DOCK4: variants seen among roughly 807,000 people sequenced by gnomAD.
DOCK4 encodes dedicator of cytokinesis protein 4.
Under a neutral mutation model 268.1 loss-of-function variants are expected in DOCK4, and 97 were observed. The ratio of observed to expected loss-of-function variants is 0.36; its 90% CI spans 0.31 to 0.43. The LOEUF (loss-of-function observed/expected upper bound fraction) is 0.43, where lower values mean the gene tolerates loss of function less well. Ranked by LOEUF, DOCK4 falls within the 20% of genes least tolerant of loss-of-function variation. The pLI, the probability that DOCK4 is intolerant of heterozygous loss-of-function variation, is 1.00. For synonymous variants in DOCK4, 954 were observed against 887.2 expected (o/e 1.08, Z -1.34); for missense variants, 2,145 against 2,455.7 (o/e 0.87, Z 2.67).
chr7:111,851,476 G>C (rs1393218473), intron 23 of DOCK4, among the ~76,000 whole-genome samples: 1 of 146,330 alleles, frequency 6.8e-6, no homozygotes, highest in South Asian at 2.1e-4. Context: ...ATTTCTGAAA[G>C]AAAACATAGA....
chr7:112,040,393 T>C (rs1236484081), intron 1 of DOCK4, among the ~76,000 whole-genome samples: 4 of 152,202 alleles, frequency 2.6e-5, no homozygotes, highest in Middle Eastern at 3.2e-3. Flanking sequence ...TAGACAGCAT[T>C]AACAAGGATG....
At chr7:112,165,718 GA>G (rs940808363) in intron 1 of DOCK4, among the ~76,000 whole-genome samples, 8 of 151,818 alleles carry the variant, frequency 5.3e-5, no homozygotes, top group African/African-American at 1.9e-4. Flanking sequence ...AATGTAAGGG[GA>G]AAAAAATCAA....
chr7:111,731,252 C>T (rs552620559), intron 52 of DOCK4, among the ~76,000 whole-genome samples: 2 of 152,226 alleles, frequency 1.3e-5, no homozygotes, highest in Non-Finnish European at 2.9e-5. Flanking sequence ...CTCCATTTTG[C>T]GGGGGGAGGC....
chr7:111,728,824 C>T, intron 52 of DOCK4, 104 bp from the exon 53 acceptor site: 1 of 1,145,922 alleles, frequency 8.7e-7, no homozygotes, highest in Non-Finnish European at 1.2e-6. Context: ...CCCCAGCACC[C>T]CCAAAGCCGG....
At chr7:111,820,110 C>T (rs1467327072) in intron 27 of DOCK4, 3 of 152,192 alleles carry the variant, frequency 2.0e-5, no homozygotes, top group African/African-American at 4.8e-5. Context: ...TCAGACTATG[C>T]TGCATTTATG....
intron 1 of DOCK4, among the ~76,000 whole-genome samples, chr7:112,173,918 C>A (rs1258837413): frequency 6.6e-6 from 1 of 152,150 alleles, no homozygotes; most frequent in Non-Finnish European, 1.5e-5. Flanking sequence ...GGACCTGGAC[C>A]AGCAGACCAG....
intron 22 of DOCK4, among the ~76,000 whole-genome samples, chr7:111,866,758 T>C (rs936083046): frequency 2.6e-5 from 4 of 152,220 alleles, no homozygotes; most frequent in Admixed American, 6.5e-5. Flanking sequence ...TTTTCAGGTG[T>C]GAATTAGGCA....
intron 8 of DOCK4, among the ~76,000 whole-genome samples, chr7:111,948,083 A>G (rs1282440011): frequency 6.6e-6 from 1 of 152,204 alleles, no homozygotes; most frequent in East Asian, 1.9e-4. Flanking sequence ...TCTTGGGACA[A>G]AGGAATTATA....
At chr7:111,831,437 G>T (rs78244648) in intron 26 of DOCK4, among the ~76,000 whole-genome samples, 5 of 151,500 alleles carry the variant, frequency 3.3e-5, no homozygotes, top group Admixed American at 3.3e-4. Context: ...ACAGGGTTCT[G>T]CCTCTCATCT....
chr7:111,870,480 C>T (rs981529803), intron 20 of DOCK4, among the ~76,000 whole-genome samples: 4 of 151,942 alleles, frequency 2.6e-5, no homozygotes, highest in South Asian at 2.1e-4. Context: ...CACCACCACG[C>T]CCAGCTAATT....
chr7:112,024,047 T>C (rs1431481696), intron 1 of DOCK4, among the ~76,000 whole-genome samples: 2 of 152,254 alleles, frequency 1.3e-5, no homozygotes, highest in Non-Finnish European at 2.9e-5. Flanking sequence ...ATGTTTATCA[T>C]GTATACGTGA....
intron 1 of DOCK4, among the ~76,000 whole-genome samples, chr7:112,099,106 A>G (rs1291853281): frequency 6.7e-6 from 1 of 150,030 alleles, no homozygotes; most frequent in Non-Finnish European, 1.5e-5. Context: ...CCTGGGCAAC[A>G]TAGTGAAACC....
At chr7:111,733,201 C>T (rs959800843) in intron 51 of DOCK4, among the ~76,000 whole-genome samples, 1 of 152,188 alleles carries the variant, frequency 6.6e-6, no homozygotes, top group Non-Finnish European at 1.5e-5. Context: ...TACTGAAAGG[C>T]TGTAAGAAAG....
intron 1 of DOCK4, among the ~76,000 whole-genome samples, chr7:112,181,136 C>T (rs542329694): frequency 6.6e-6 from 1 of 151,996 alleles, no homozygotes; most frequent in Admixed American, 6.6e-5. Flanking sequence ...CCAATGTTGG[C>T]AAGAAAGAGT....
intron 8 of DOCK4, among the ~76,000 whole-genome samples, chr7:111,970,239 A>G (rs73207432): frequency 0.061 from 9,250 of 152,070 alleles, 312 homozygotes; most frequent in Non-Finnish European, 0.082. Context: ...AGTGATTTAG[A>G]ATACAGATTC....
Position 112,168,549 on chromosome 7 carries a change from C to CA in DOCK4, c.37+37552dup, listed in dbSNP as rs568366079. Among the ~76,000 whole-genome samples, 37 of 152,132 alleles carry CA rather than the reference C, an allele frequency of 2.4e-4. No individual in the cohort carries two copies. In the South Asian group the frequency reaches 7.3e-3, roughly 30 times the overall value. On this transcript the variant is annotated intron_variant, in intron 1 of 52. Transcript: ENST00000428084. ...TAGGGAGACCCCCATCTCTACAAAT[C>CA]AAAAAATTAGCCAGGCATGGTGGCG... is the stretch of plus-strand genomic sequence containing the variant.
intron 42 of DOCK4, among the ~76,000 whole-genome samples, chr7:111,754,278 T>G (rs533691397): frequency 6.6e-6 from 1 of 152,368 alleles, no homozygotes; most frequent in East Asian, 1.9e-4. Context: ...TGATGTAATC[T>G]GCTGAATAGA....
Position 112,163,875 on chromosome 7 carries a change from T to C in DOCK4, c.37+42227A>G, listed in dbSNP as rs980662642. On this transcript the variant is annotated intron_variant, in intron 1 of 52. Transcript: ENST00000428084. Reference sequence around the variant, plus strand: ...GCAAGGGGCTAAGCAAGCACACACATTGATATGTGTCTAGCACATATTCAT... The same window carrying C: ...GCAAGGGGCTAAGCAAGCACACACACTGATATGTGTCTAGCACATATTCAT... Among the ~76,000 whole-genome samples, 13 of 152,282 alleles carry C rather than the reference T, an allele frequency of 8.5e-5. 3 individuals carry two copies. Among genetic ancestry groups the C allele is most frequent in the Admixed American group, 7.8e-4 (12 of 15,300 alleles).
intron 1 of DOCK4, among the ~76,000 whole-genome samples, chr7:112,195,861 A>G (rs1820374884): frequency 6.6e-6 from 1 of 152,206 alleles, no homozygotes; most frequent in Non-Finnish European, 1.5e-5. Context: ...AGCAAATTCA[A>G]CCAGGAAAAC....
Sources: allele counts gnomAD v4.1 joint callset (sites outside exome capture counted in the v4.1 genomes callset), GRCh38; gene constraint gnomAD v4.1.1; transcripts MANE v1.5; gene names NCBI Gene and HGNC (gene_info 2026-07-23, HGNC 2026-07-21).